The following CFAP299 variants were observed in gnomAD, a reference collection of about 807,000 sequenced individuals.
CFAP299 encodes cilia- and flagella-associated protein 299.
A neutral mutation model predicts 27.0 loss-of-function variants in CFAP299; 21 were observed. The ratio of observed to expected loss-of-function variants is 0.78; its 90% CI spans 0.55 to 1.12. The LOEUF (loss-of-function observed/expected upper bound fraction) is 1.12, where lower values mean the gene tolerates loss of function less well. CFAP299 is among the 50% of genes most tolerant of loss of function. CFAP299 has a pLI of 0.00. For synonymous variants in CFAP299, 104 were observed against 98.1 expected (o/e 1.06, Z -0.36); for missense variants, 310 against 276.6 (o/e 1.12, Z -0.86).
intron 3 of CFAP299, among the ~76,000 whole-genome samples, chr4:80,723,626 A>G (rs1722971471): frequency 6.6e-6 from 1 of 152,152 alleles, no homozygotes; most frequent in Non-Finnish European, 1.5e-5. Context: ...GGAACAAGAT[A>G]ACTCTTAGGG....
chr4:80,544,189 A>G (rs1279634997), intron 2 of CFAP299, among the ~76,000 whole-genome samples: 1 of 152,226 alleles, frequency 6.6e-6, no homozygotes, highest in Non-Finnish European at 1.5e-5. Flanking sequence ...CTGCTTTACA[A>G]GAAGTCATAA....
chr4:80,912,426 C>T (rs1042908605), intron 4 of CFAP299, among the ~76,000 whole-genome samples: 4 of 152,094 alleles, frequency 2.6e-5, no homozygotes, highest in African/African-American at 9.7e-5. Flanking sequence ...TGGAGAACAC[C>T]TCACCATATC....
At chr4:80,916,283 A>ATATG (rs1553905995) in intron 4 of CFAP299, among the ~76,000 whole-genome samples, 1 of 116,258 alleles carries the variant, frequency 8.6e-6, no homozygotes, top group Non-Finnish European at 1.6e-5. Flanking sequence ...ATATATATAT[A>ATATG]TATATATATA....
intron 3 of CFAP299, among the ~76,000 whole-genome samples, chr4:80,765,986 G>C (rs984778106): frequency 6.6e-6 from 1 of 151,508 alleles, no homozygotes; most frequent in Non-Finnish European, 1.5e-5. Flanking sequence ...ATAGCATATA[G>C]AGAATGGCAG....
At chr4:80,735,405 T>C (rs949159350) in intron 3 of CFAP299, among the ~76,000 whole-genome samples, 1 of 152,126 alleles carries the variant, frequency 6.6e-6, no homozygotes, top group African/African-American at 2.4e-5. Flanking sequence ...TGACTTCTTC[T>C]TTTCCAATTT....
intron 4 of CFAP299, among the ~76,000 whole-genome samples, chr4:80,939,789 C>T (rs1737099203): frequency 6.6e-6 from 1 of 152,070 alleles, no homozygotes; most frequent in African/African-American, 2.4e-5. Flanking sequence ...TCAAAGAAGA[C>T]CTTCACAAGT....
At chr4:80,822,452 A>T (rs1729756539) in intron 3 of CFAP299, among the ~76,000 whole-genome samples, 4 of 152,160 alleles carry the variant, frequency 2.6e-5, no homozygotes, top group Non-Finnish European at 5.9e-5. Context: ...GTTTGTTTCA[A>T]ATCTATTTAA....
Position 80,944,010 on chromosome 4 carries a change from G to A in CFAP299, c.477-800G>A, listed in dbSNP as rs569078849. ...GAACCCAGGAGGCGGAGGTTGCAGT[G>A]AGCTGAGATCACGCCACTGCACTCC... On this transcript the variant is annotated intron_variant, in intron 4 of 5. Transcript: ENST00000358105. 1.9e-3 allele frequency among the ~76,000 whole-genome samples: 285 copies of A among 151,892 alleles called. 1 individual carries two copies. Among genetic ancestry groups the A allele is most frequent in the African/African-American group, 6.5e-3 (271 of 41,416 alleles).
At chr4:80,335,208 A>G (rs1578324719), upstream of CFAP299, among the ~76,000 whole-genome samples, 1 of 152,338 alleles carries the variant, frequency 6.6e-6, no homozygotes. Flanking sequence ...AGGTCTGCAA[A>G]GACATTTTTT....
chr4:80,610,871 A>G (rs1367476647), intron 3 of CFAP299, among the ~76,000 whole-genome samples: 2 of 151,968 alleles, frequency 1.3e-5, no homozygotes, highest in African/African-American at 4.8e-5. Context: ...GTGGCTGATA[A>G]CCATTGTGCT....
chr4:80,454,834 G>A (rs1729069057), intron 2 of CFAP299, among the ~76,000 whole-genome samples: 1 of 152,168 alleles, frequency 6.6e-6, no homozygotes, highest in African/African-American at 2.4e-5. Flanking sequence ...AAAACTGAGA[G>A]ACTGGGGTTT....
At chr4:80,644,772 G>T (rs1034758247) in intron 3 of CFAP299, among the ~76,000 whole-genome samples, 3 of 152,090 alleles carry the variant, frequency 2.0e-5, no homozygotes, top group Non-Finnish European at 4.4e-5. Context: ...ATTGTCCCAT[G>T]TGTGACTCCA....
chr4:80,718,175 T>C (rs1578054362), intron 3 of CFAP299, among the ~76,000 whole-genome samples: 2 of 152,196 alleles, frequency 1.3e-5, no homozygotes, highest in East Asian at 1.9e-4. Flanking sequence ...TAATACAATA[T>C]GGCAATAGTT....
chr4:80,365,203 T>G (rs1265504350), intron 2 of CFAP299, among the ~76,000 whole-genome samples: 1 of 152,186 alleles, frequency 6.6e-6, no homozygotes, highest in Admixed American at 6.5e-5. Context: ...TAATTTACAC[T>G]CCCACCAACA....
intron 4 of CFAP299, among the ~76,000 whole-genome samples, chr4:80,917,246 A>G (rs1735812200): frequency 1.3e-5 from 2 of 152,122 alleles, no homozygotes; most frequent in South Asian, 4.1e-4. Context: ...CCATTGAGAT[A>G]TAATGTACTA....
chr4:80,573,083 T>A (rs1054118748), intron 2 of CFAP299, among the ~76,000 whole-genome samples: 2 of 152,144 alleles, frequency 1.3e-5, no homozygotes, highest in Non-Finnish European at 2.9e-5. Context: ...TTTACAGTGC[T>A]ATCAACAGTG....
chr4:80,816,504 G>T (rs1729429312), intron 3 of CFAP299, among the ~76,000 whole-genome samples: 1 of 152,128 alleles, frequency 6.6e-6, no homozygotes, highest in Non-Finnish European at 1.5e-5. Flanking sequence ...AGCAGAGAAT[G>T]TAGTGGTCAG....
At chr4:80,382,364 C>T (rs1314066422) in intron 2 of CFAP299, among the ~76,000 whole-genome samples, 1 of 152,168 alleles carries the variant, frequency 6.6e-6, no homozygotes, top group Non-Finnish European at 1.5e-5. Context: ...TGCAGTGTTT[C>T]TGCATAACAA....
intron 4 of CFAP299, among the ~76,000 whole-genome samples, chr4:80,924,502 T>C (rs1184857402): frequency 1.4e-5 from 2 of 147,646 alleles, no homozygotes. Flanking sequence ...CATAATCGTG[T>C]GACAATTCAT....
Sources: gnomAD v4.1 joint callset for allele counts (sites outside exome capture counted in the v4.1 genomes callset) on GRCh38, gnomAD v4.1.1 for gene constraint, MANE v1.5 for transcripts, NCBI Gene and HGNC (gene_info 2026-07-23, HGNC 2026-07-21) for gene names.